Variants in LMNTD1 observed in about 807,000 individuals in gnomAD.
LMNTD1 encodes the protein lamin tail domain-containing protein 1.
LMNTD1 carries 35 observed loss-of-function variants against 50.9 expected under a neutral mutation model. The observed-to-expected ratio is 0.69, with a 90% confidence interval of 0.53 to 0.91. The LOEUF (loss-of-function observed/expected upper bound fraction) is 0.91. Among genes scored for constraint, LMNTD1 ranks in the 40% least tolerant of loss-of-function variants. The pLI, the probability that LMNTD1 is intolerant of heterozygous loss-of-function variation, is 0.00. For missense variants in LMNTD1, 470 were observed against 475.5 expected, an observed-to-expected ratio of 0.99 and a Z score of 0.11; for synonymous variants, 153 against 161.9, an observed-to-expected ratio of 0.94 and a Z score of 0.42.
chr12:25,476,686 C>A (rs977560107), intron 9 of LMNTD1, among the ~76,000 whole-genome samples: 18 of 151,982 alleles, frequency 1.2e-4, no homozygotes, highest in African/African-American at 3.1e-4. Context: ...ACTGAGAGCT[C>A]TAGACTAAAG....
chr12:25,523,052 C>T lies in LMNTD1; in HGVS notation c.799-2977G>A, dbSNP rs912755645. Among the ~76,000 whole-genome samples, 9 of 151,492 alleles carry T rather than the reference C, an allele frequency of 5.9e-5. No individual in the cohort carries two copies. In the South Asian group the frequency reaches 6.3e-4, roughly 11 times the overall value. ...ATTTGTTTTTATTTTTATTTTTTTT[C>T]GAGACAGAGTCTTACTCTTCGCCCA... On this transcript the variant is annotated intron_variant, in intron 6 of 9. Transcript: ENST00000458174.
chr12:25,642,629 A>G (rs1946979130), intron 1 of LMNTD1, among the ~76,000 whole-genome samples: 1 of 152,254 alleles, frequency 6.6e-6, no homozygotes, highest in Admixed American at 6.5e-5. Flanking sequence ...AAAAATTAAC[A>G]TTAGCTTTAT....
intron 1 of LMNTD1, among the ~76,000 whole-genome samples, chr12:25,635,603 A>G (rs1946814858): frequency 6.6e-6 from 1 of 152,212 alleles, no homozygotes; most frequent in South Asian, 2.1e-4. Context: ...TCAAAATACC[A>G]CAATCATTCT....
intron 8 of LMNTD1, among the ~76,000 whole-genome samples, chr12:25,510,341 T>C (rs898834825): frequency 6.6e-6 from 1 of 152,076 alleles, no homozygotes; most frequent in African/African-American, 2.4e-5. Flanking sequence ...TGCTAGCACA[T>C]TGAGGCTATC....
At chr12:25,596,609 A>T (rs571357399) in intron 1 of LMNTD1, among the ~76,000 whole-genome samples, 1 of 152,122 alleles carries the variant, frequency 6.6e-6, no homozygotes. Context: ...ACTGTTCCAG[A>T]CAATCAAAGG....
At chr12:25,633,412 A>C (rs1452016216) in intron 1 of LMNTD1, among the ~76,000 whole-genome samples, 1 of 152,162 alleles carries the variant, frequency 6.6e-6, no homozygotes, top group Non-Finnish European at 1.5e-5. Context: ...TCCAAGACAG[A>C]CCATATGATA....
Position 25,594,651 on chromosome 12 carries a change from C to CAA in LMNTD1, c.59-48099_59-48098dup, listed in dbSNP as rs61299586. Among the ~76,000 whole-genome samples, 263 of 69,892 alleles carry CAA rather than the reference C, an allele frequency of 3.8e-3. 2 individuals carry two copies. The highest frequency in any genetic ancestry group is 0.013 in the African/African-American group (235 of 17,656). The allele number at this position is 69,892 out of a possible 152,430, so 45.9% of individuals were successfully genotyped here. On this transcript the variant is annotated intron_variant, in intron 1 of 7. Transcript: ENST00000445693. ...TCACAGGACCTATAAAACAGAAATA[C>CAA]AAAAAAAAAAAAAAAAAAAAAAAAA...
At chr12:25,523,725 C>T (rs1941506848) in intron 6 of LMNTD1, among the ~76,000 whole-genome samples, 1 of 151,642 alleles carries the variant, frequency 6.6e-6, no homozygotes, top group East Asian at 1.9e-4. Context: ...AGTCACATTT[C>T]CACCTATTTA....
intron 9 of LMNTD1, among the ~76,000 whole-genome samples, chr12:25,493,566 C>T (rs1938960378): frequency 6.6e-6 from 1 of 152,194 alleles, no homozygotes; most frequent in Admixed American, 6.5e-5. Context: ...TTCTTTGAAA[C>T]ATCAGGATTC....
At chr12:25,621,391 C>T (rs1265173202) in intron 1 of LMNTD1, among the ~76,000 whole-genome samples, 3 of 151,912 alleles carry the variant, frequency 2.0e-5, no homozygotes, top group African/African-American at 4.8e-5. Context: ...CACCCAGCCA[C>T]GTAGTTTTTA....
At chr12:25,491,854 AT>A (rs1331233843) in intron 9 of LMNTD1, among the ~76,000 whole-genome samples, 3 of 152,170 alleles carry the variant, frequency 2.0e-5, no homozygotes, top group Non-Finnish European at 2.9e-5. Flanking sequence ...TTACAAGCCA[AT>A]TTTTTGTTAG....
intron 4 of LMNTD1, among the ~76,000 whole-genome samples, chr12:25,544,242 A>T (rs1016246023): frequency 6.6e-6 from 1 of 151,632 alleles, no homozygotes; most frequent in Non-Finnish European, 1.5e-5. Context: ...TATACTTGGG[A>T]GCTTTGGTGT....
intron 9 of LMNTD1, among the ~76,000 whole-genome samples, chr12:25,493,165 C>T (rs1938942801): frequency 6.6e-6 from 1 of 152,138 alleles, no homozygotes; most frequent in Admixed American, 6.5e-5. Context: ...AAGTATCTTT[C>T]CCACTGGTCT....
At chr12:25,533,606 A>G (rs763180516) in intron 4 of LMNTD1, among the ~76,000 whole-genome samples, 3 of 152,144 alleles carry the variant, frequency 2.0e-5, no homozygotes, top group Non-Finnish European at 4.4e-5. Context: ...TTGGGGATAT[A>G]TGGGCTGATG....
chr12:25,582,446 G>T (rs543621385), intron 1 of LMNTD1: 1 of 152,218 alleles, frequency 6.6e-6, no homozygotes, highest in East Asian at 1.9e-4. Flanking sequence ...TCTCCAAATG[G>T]TGATCTTGCT....
intron 1 of LMNTD1, among the ~76,000 whole-genome samples, chr12:25,622,187 C>T (rs1209016088): frequency 1.3e-5 from 2 of 152,114 alleles, no homozygotes; most frequent in Non-Finnish European, 2.9e-5. Flanking sequence ...GGAGGGGAGT[C>T]AAGAGTTTGG....
chr12:25,631,312 C>T (rs749396677), intron 1 of LMNTD1, among the ~76,000 whole-genome samples: 5 of 151,814 alleles, frequency 3.3e-5, no homozygotes, highest in East Asian at 1.9e-4. Flanking sequence ...CTCTGGAAAG[C>T]GCCACCTCTT....
chr12:25,542,324 A>T (rs1409134869), intron 4 of LMNTD1, among the ~76,000 whole-genome samples: 1 of 151,310 alleles, frequency 6.6e-6, no homozygotes, highest in Non-Finnish European at 1.5e-5. Flanking sequence ...ACCAACCCAA[A>T]TGTCCAACAA....
intron 1 of LMNTD1, among the ~76,000 whole-genome samples, chr12:25,604,437 T>G (rs1011332460): frequency 6.6e-6 from 1 of 152,110 alleles, no homozygotes; most frequent in Non-Finnish European, 1.5e-5. Flanking sequence ...CATGTTGGTG[T>G]GCTGCACCCA....
Sources: allele counts gnomAD v4.1 joint callset (sites outside exome capture counted in the v4.1 genomes callset), GRCh38; gene constraint gnomAD v4.1.1; transcripts MANE v1.5; gene names NCBI Gene and HGNC (gene_info 2026-07-23, HGNC 2026-07-21).